The following SORCS2 variants were observed in gnomAD, a reference collection of about 807,000 sequenced individuals.
SORCS2 encodes the protein sortilin related VPS10 domain containing receptor 2.
SORCS2 carries 100 observed loss-of-function variants against 141.6 expected under a neutral mutation model. The observed-to-expected ratio is 0.71, with a 90% CI of 0.60 to 0.83. The LOEUF is 0.83. Ranked by LOEUF, SORCS2 falls within the 40% of genes least tolerant of loss-of-function variation. The pLI is 0.00. For synonymous variants in SORCS2, 789 were observed against 676.9 expected (o/e 1.17, Z -2.57); for missense variants, 1,646 against 1,560.2 (o/e 1.05, Z -0.93).
Position 7,192,733 on chromosome 4 carries a change from C to T in SORCS2, c.87C>T (p.Arg29=). 3 of 991,982 alleles carry T rather than the reference C, an allele frequency of 3.0e-6. No individual in the cohort carries two copies. The highest frequency in any genetic ancestry group is 4.5e-5 in the South Asian group (1 of 22,228). The allele number at this position is 991,982 out of a possible 1,614,324, so 61.4% of individuals were successfully genotyped here. ...APSPGAPPPP[R]SPRSRPLLLL... ...GCCCCGGGGCTCCGCCGCCGCCGCG[C>T]TCGCCGCGCTCGCGGCCGCTCCTGC... is the stretch of plus-strand genomic sequence containing the variant. Residue 29 remains arginine (R), a synonymous_variant, in exon 1 of 27, where the codon CGC becomes CGT. Transcript: ENST00000507866. The surrounding 1 kb of genome is among the most constrained non-coding windows in gnomAD (Gnocchi z 4.0).
intron 2 of SORCS2, among the ~76,000 whole-genome samples, chr4:7,422,150 G>A (rs954290526): frequency 1.3e-5 from 2 of 152,146 alleles, no homozygotes; most frequent in Non-Finnish European, 2.9e-5. Flanking sequence ...GGTCAGACAC[G>A]CCACCTGGGT....
intron 1 of SORCS2, among the ~76,000 whole-genome samples, chr4:7,393,967 C>T (rs528748446): frequency 6.6e-6 from 1 of 152,208 alleles, no homozygotes; most frequent in East Asian, 1.9e-4. Context: ...TTGATGACTG[C>T]CGAGTCAGGG....
chr4:7,434,779 C>T lies in SORCS2; in HGVS notation c.548+38424C>T, dbSNP rs755331259. 7 of 1,612,212 alleles carry T rather than the reference C, an allele frequency of 4.3e-6. No individual in the cohort carries two copies. In the Admixed American group the frequency reaches 1.0e-4, roughly 23 times the overall value. On this transcript the variant is annotated intron_variant, in intron 2 of 26. Coordinates refer to ENST00000507866, the MANE Select transcript of SORCS2 (RefSeq NM_020777.3). ...CCTGGCAGCTGTCTGCAGATCCTGACACCACACCGTGGAGCCCTTTGCACA... is the reference window on the plus strand; with the variant it reads ...CCTGGCAGCTGTCTGCAGATCCTGATACCACACCGTGGAGCCCTTTGCACA...
In SORCS2 at chr4:7,374,663, G is replaced by C. The variant is rs143656162; in HGVS notation, c.481-21625G>C. 4.7e-3 allele frequency among the ~76,000 whole-genome samples: 714 copies of C among 152,234 alleles called. 4 individuals carry two copies. The highest frequency in any genetic ancestry group is 5.6e-3 in the Non-Finnish European group (382 of 68,008). The stretch of plus-strand genomic sequence containing the variant: ...CTTTCTCAGTAACGACCAAGAGCTG[G>C]GGTCCCCGATCGCTGAACAGCCCAC... On this transcript the variant is annotated intron_variant, in intron 1 of 26. Transcript: ENST00000507866.
intron 1 of SORCS2, among the ~76,000 whole-genome samples, chr4:7,288,913 G>A (rs1443037722): frequency 6.6e-6 from 1 of 151,570 alleles, no homozygotes; most frequent in Non-Finnish European, 1.5e-5. Context: ...TCTCTCCTCT[G>A]GGTTTCCATG....
intron 4 of SORCS2, among the ~76,000 whole-genome samples, chr4:7,650,224 G>A (rs56298309): frequency 4.6e-5 from 7 of 152,182 alleles, no homozygotes; most frequent in South Asian, 2.1e-4. Context: ...TCCATCTTCC[G>A]TCTGCACGAG....
intron 1 of SORCS2, among the ~76,000 whole-genome samples, chr4:7,316,311 A>T (rs10006875): frequency 0.6 from 90,832 of 151,990 alleles, 27,239 homozygotes; most frequent in South Asian, 0.73. Flanking sequence ...AACAAAAAAA[A>T]TTTTTTTGGA....
chr4:7,409,790 C>T (rs761382858), intron 2 of SORCS2, among the ~76,000 whole-genome samples: 1 of 152,202 alleles, frequency 6.6e-6, no homozygotes, highest in Non-Finnish European at 1.5e-5. Context: ...GTCTCATCTT[C>T]ACATTTGCAT....
intron 2 of SORCS2, among the ~76,000 whole-genome samples, chr4:7,413,888 C>T (rs966844814): frequency 6.6e-6 from 1 of 152,128 alleles, no homozygotes; most frequent in Non-Finnish European, 1.5e-5. Context: ...CTTCTGTGTG[C>T]CCTTTTCCTC....
chr4:7,665,483 A>G (rs920415510), intron 7 of SORCS2, among the ~76,000 whole-genome samples: 5 of 152,154 alleles, frequency 3.3e-5, no homozygotes, highest in Admixed American at 3.3e-4. Flanking sequence ...TCGCTTCTCC[A>G]CTGGCTGATT....
rs528640872 is a variant in SORCS2, at chr4:7,591,029, G to A, written c.649-47299G>A. On this transcript the variant is annotated intron_variant, in intron 3 of 26. Coordinates refer to ENST00000507866, the MANE Select transcript of SORCS2 (RefSeq NM_020777.3). ...ATGGTGGCCACATGGCTGCATGGCT[G>A]TCATCTCCCCACAGCACACTTGGCG... Among the ~76,000 whole-genome samples, 9 of 152,306 alleles carry A rather than the reference G, an allele frequency of 5.9e-5. No homozygotes were observed. In the South Asian group the frequency reaches 1.7e-3, roughly 28 times the overall value.
chr4:7,638,501 T>C lies in SORCS2; in HGVS notation c.813+9T>C, dbSNP rs776458176. 4.4e-6 allele frequency: 7 copies of C among 1,606,648 alleles called. No individual in the cohort carries two copies. Among genetic ancestry groups the C allele is most frequent in the South Asian group, 1.1e-5 (1 of 90,696 alleles). On this transcript the variant is annotated intron_variant, in intron 4 of 26. Transcript: ENST00000507866. ...ACACAAAGGAGAGCAAGGTAAGATA[T>C]ATGGGTGCCAGTCGCCTGGTCTGTG...
Position 7,619,721 on chromosome 4 carries a change from C to G in SORCS2, c.649-18607C>G, listed in dbSNP as rs10002144. ...CAGTGGGTTTCCCTGCCTTCTCTCT[C>G]AAGGAGGCTCGGAGGCTCTGCAGTG... On this transcript the variant is annotated intron_variant, in intron 3 of 26. Transcript: ENST00000507866. Among the ~76,000 whole-genome samples, 589 of 152,314 alleles carry G rather than the reference C, an allele frequency of 3.9e-3. 4 individuals are homozygous for G. The highest frequency in any genetic ancestry group is 0.013 in the African/African-American group (539 of 41,580).
At chr4:7,434,894 C>G (rs567877174) in intron 2 of SORCS2, 1 of 1,535,004 alleles carries the variant, frequency 6.5e-7, no homozygotes, top group South Asian at 1.2e-5. Flanking sequence ...CCCAGGGACT[C>G]TCTGGCTCCA....
At chr4:7,567,132 A>G (rs1430444739) in intron 3 of SORCS2, among the ~76,000 whole-genome samples, 1 of 152,250 alleles carries the variant, frequency 6.6e-6, no homozygotes, top group African/African-American at 2.4e-5. Context: ...AGGTTTACAG[A>G]AAACCTGTGA....
At chr4:7,227,780 GC>G (rs1370737433) in intron 1 of SORCS2, among the ~76,000 whole-genome samples, 1 of 152,210 alleles carries the variant, frequency 6.6e-6, no homozygotes, top group East Asian at 1.9e-4. Context: ...AGGCAGAGCG[GC>G]TAAACGCAGT....
intron 1 of SORCS2, among the ~76,000 whole-genome samples, chr4:7,384,916 C>G (rs1452753665): frequency 6.6e-6 from 1 of 152,238 alleles, no homozygotes; most frequent in Non-Finnish European, 1.5e-5. Context: ...GGTGGAGGTC[C>G]AGGCTCGCCG....
chr4:7,710,244 C>T lies in SORCS2; in HGVS notation c.1869-2489C>T, dbSNP rs533146299. On this transcript the variant is annotated intron_variant, in intron 14 of 26. Coordinates refer to ENST00000507866, the MANE Select transcript of SORCS2 (RefSeq NM_020777.3). ...CCTCACAGCTCCAGAGCCACCAGCC[C>T]GGGTTCCAACGCCGCCCCTCCAGGA... Among the ~76,000 whole-genome samples, 15 of 152,294 alleles carry T rather than the reference C, an allele frequency of 9.8e-5. No homozygotes were observed. The East Asian group carries it at 1.9e-3, about 20-fold the overall frequency.
rs535347068 is a variant in SORCS2, at chr4:7,386,273, C to G, written c.481-10015C>G. Among the ~76,000 whole-genome samples, 89 of 69,442 alleles carry G rather than the reference C, an allele frequency of 1.3e-3. 5 individuals are homozygous for G. Among genetic ancestry groups the G allele is most frequent in the African/African-American group, 5.1e-3 (78 of 15,290 alleles). The allele number at this position is 69,442 out of a possible 152,430, so 45.6% of individuals were successfully genotyped here. On this transcript the variant is annotated intron_variant, in intron 1 of 26. Coordinates refer to ENST00000507866, the MANE Select transcript of SORCS2 (RefSeq NM_020777.3). Reference sequence around the variant, plus strand: ...ACACACATACAGGTACACAGAGATACACACGCACATGCACACACATGCACA... The same window carrying G: ...ACACACATACAGGTACACAGAGATAGACACGCACATGCACACACATGCACA...
Sources: gnomAD v4.1 joint callset for allele counts (sites outside exome capture counted in the v4.1 genomes callset) on GRCh38, gnomAD v4.1.1 for gene constraint, Gnocchi (gnomAD v3.1) non-coding constraint, MANE v1.5 for transcripts, NCBI Gene and HGNC (gene_info 2026-07-23, HGNC 2026-07-21) for gene names.